The following HHIP variants were observed in gnomAD, a reference collection of about 807,000 sequenced individuals.
The protein encoded by HHIP is hedgehog-interacting protein.
HHIP carries 12 observed loss-of-function variants against 74.0 expected under a neutral mutation model. That is an observed-to-expected ratio of 0.16 (90% confidence interval 0.10 to 0.26). The LOEUF is 0.26. HHIP is among the 10% of genes least tolerant of loss of function. HHIP has a pLI of 1.00. For missense variants in HHIP, 788 were observed against 845.0 expected (o/e 0.93, Z 0.84); for synonymous variants, 309 against 311.6 (o/e 0.99, Z 0.09).
Position 144,743,611 on chromosome 4 carries a change from A to G in HHIP, c.*5654A>G, listed in dbSNP as rs1731320087. The G allele has an allele frequency of 6.6e-6, 1 of 152,048 alleles. No individual in the cohort carries two copies. Among genetic ancestry groups the G allele is most frequent in the African/African-American group, 2.4e-5 (1 of 41,434 alleles). The allele number at this position is 152,048 out of a possible 1,614,324, so 9.4% of individuals were successfully genotyped here. ...CATATATAGATTATGTATTACTTAA[A>G]TCCAAAATACATGTGTGTATATATA... On this transcript the variant is annotated 3_prime_UTR_variant, in exon 13 of 13. Coordinates refer to ENST00000296575, the MANE Select transcript of HHIP (RefSeq NM_022475.3).
At chr4:144,697,188 T>C (rs1729844358) in intron 4 of HHIP, among the ~76,000 whole-genome samples, 1 of 152,032 alleles carries the variant, frequency 6.6e-6, no homozygotes, top group African/African-American at 2.4e-5. Flanking sequence ...CATTAATTTA[T>C]TTTCATTTAG....
chr4:144,658,385 T>A (rs1160002548), intron 2 of HHIP, among the ~76,000 whole-genome samples: 4 of 136,944 alleles, frequency 2.9e-5, no homozygotes, highest in East Asian at 2.1e-4. Flanking sequence ...TTATTTATTT[T>A]TTCAGAAGGT....
intron 2 of HHIP, among the ~76,000 whole-genome samples, chr4:144,653,315 A>G (rs917300613): frequency 6.6e-6 from 1 of 152,158 alleles, no homozygotes; most frequent in African/African-American, 2.4e-5. Context: ...CCTGTAAGCT[A>G]GGTAGGAAGA....
intron 11 of HHIP, among the ~76,000 whole-genome samples, chr4:144,724,445 C>T (rs1431598415): frequency 6.6e-6 from 1 of 151,896 alleles, no homozygotes; most frequent in Non-Finnish European, 1.5e-5. Flanking sequence ...TCACTGGTCA[C>T]CCACAGCTAT....
intron 11 of HHIP, among the ~76,000 whole-genome samples, chr4:144,722,728 C>T (rs151313741): frequency 1.1e-3 from 161 of 152,216 alleles, no homozygotes; most frequent in African/African-American, 3.6e-3. Flanking sequence ...GTAGTGCATG[C>T]CTGTAATCCC....
At chr4:144,733,798 TAGGTA>T (rs1056266788) in intron 11 of HHIP, among the ~76,000 whole-genome samples, 5 of 152,142 alleles carry the variant, frequency 3.3e-5, no homozygotes, top group African/African-American at 1.2e-4. Context: ...CCCTGAAGAT[TAGGTA>T]ATGAGCAGTT....
At chr4:144,716,257 G>GT (rs1553942863) in intron 10 of HHIP, among the ~76,000 whole-genome samples, 67 of 151,912 alleles carry the variant, frequency 4.4e-4, no homozygotes, top group Admixed American at 2.6e-3. Context: ...TTCAGATTTG[G>GT]TTTTTTTTAC....
intron 4 of HHIP, among the ~76,000 whole-genome samples, chr4:144,689,469 A>C (rs993101961): frequency 1.3e-5 from 2 of 152,226 alleles, no homozygotes; most frequent in African/African-American, 2.4e-5. Flanking sequence ...AAGTGATTCC[A>C]GGACTTCTAT....
chr4:144,728,261 T>C (rs1183464630), intron 11 of HHIP, among the ~76,000 whole-genome samples: 1 of 152,186 alleles, frequency 6.6e-6, no homozygotes, highest in African/African-American at 2.4e-5. Context: ...ACACTGTTTC[T>C]TAGTGAGCAA....
intron 11 of HHIP, among the ~76,000 whole-genome samples, chr4:144,724,020 A>C (rs1578726127): frequency 6.6e-6 from 1 of 152,206 alleles, no homozygotes; most frequent in Non-Finnish European, 1.5e-5. Context: ...ACAAATCCCT[A>C]CTAAGCTGCC....
chr4:144,652,792 T>G lies in HHIP; in HGVS notation c.467T>G (p.Ile156Ser). 6.4e-7 allele frequency: 1 copy of G among 1,569,574 alleles called. No homozygotes were observed. The highest frequency in any genetic ancestry group is 8.6e-7 in the Non-Finnish European group (1 of 1,160,468). Residue 156 changes from isoleucine (I) to serine (S), a missense_variant, in exon 2 of 13, where the codon ATT becomes AGT. This residue lies in a region of HHIP where 373 missense variants were observed against 366.4 expected (regional missense o/e 1.02). Transcript: ENST00000296575. The part of the protein sequence containing the change: ...KEFFYTCRGH[I>S]PGFLQTTADE... ...TTCTTTTACACTTGCCGAGGCCATA[T>G]TCCAGGTAAGAAAAAAAAATGCATA...
rs149249882 is a variant in HHIP at position 144,727,818 on chromosome 4, T to C, written c.1761-6923T>C. ...GTGTACTGTGGTGTTGATGATTGTA[T>C]AGTGAGATTAATAGGACCTGAAATG... On this transcript the variant is annotated intron_variant, in intron 11 of 12. Coordinates refer to ENST00000296575, the MANE Select transcript of HHIP (RefSeq NM_022475.3). Among the ~76,000 whole-genome samples, 476 of 152,320 alleles carry C rather than the reference T, an allele frequency of 3.1e-3. 3 individuals are homozygous for C. The highest frequency in any genetic ancestry group is 0.01 in the African/African-American group (427 of 41,584).
chr4:144,651,901 C>G lies in HHIP; in HGVS notation c.280-704C>G, dbSNP rs116305729. 2.0e-3 allele frequency among the ~76,000 whole-genome samples: 306 copies of G among 152,082 alleles called. 2 individuals are homozygous for G. The highest frequency in any genetic ancestry group is 3.5e-3 in the Non-Finnish European group (238 of 67,902). ...CACTACATATTATTCAAAAGCACTTCGTTAAACTCTTGTGTTTATTCATGC... is the reference window on the plus strand; with the variant it reads ...CACTACATATTATTCAAAAGCACTTGGTTAAACTCTTGTGTTTATTCATGC... On this transcript the variant is annotated intron_variant, in intron 1 of 12. Coordinates refer to ENST00000296575, the MANE Select transcript of HHIP (RefSeq NM_022475.3).
At chr4:144,667,449 T>C (rs539458019) in intron 4 of HHIP, among the ~76,000 whole-genome samples, 1 of 152,316 alleles carries the variant, frequency 6.6e-6, no homozygotes, top group East Asian at 1.9e-4. Flanking sequence ...CGGCAGTCCC[T>C]TGGAAACAAA....
In HHIP at chr4:144,692,474, T is replaced by C. The variant is rs958770971; in HGVS notation, c.832-14057T>C. On this transcript the variant is annotated intron_variant, in intron 4 of 12. Transcript: ENST00000296575. Reference sequence around the variant, plus strand: ...TGGGAGATGCTGTTCTTTCTTTACCTGGAACCTTCTTCCCTTTCTGGCTCC... The same window carrying C: ...TGGGAGATGCTGTTCTTTCTTTACCCGGAACCTTCTTCCCTTTCTGGCTCC... 2.0e-5 allele frequency among the ~76,000 whole-genome samples: 3 copies of C among 152,314 alleles called. No individual in the cohort carries two copies. The East Asian group carries it at 5.8e-4, about 29-fold the overall frequency.
intron 4 of HHIP, among the ~76,000 whole-genome samples, chr4:144,668,079 A>T (rs966845219): frequency 6.6e-6 from 1 of 152,076 alleles, no homozygotes; most frequent in Non-Finnish European, 1.5e-5. Flanking sequence ...GCACTTTGGG[A>T]GGCCGAGCCG....
At chr4:144,662,725 C>T (rs943604695) in intron 4 of HHIP, among the ~76,000 whole-genome samples, 8 of 152,014 alleles carry the variant, frequency 5.3e-5, no homozygotes, top group African/African-American at 1.9e-4. Context: ...GCACATGCAG[C>T]GTTGTTATTG....
In HHIP at chr4:144,713,594, TAGAG is replaced by T. The variant is rs368549229; in HGVS notation, c.1424-629_1424-626del. 2.0e-4 allele frequency among the ~76,000 whole-genome samples: 31 copies of T among 152,216 alleles called. No individual in the cohort carries two copies. The East Asian group carries it at 6.0e-3, about 29-fold the overall frequency. On this transcript the variant is annotated intron_variant, in intron 8 of 12. Coordinates refer to ENST00000296575, the MANE Select transcript of HHIP (RefSeq NM_022475.3). ...GTATGTAATGGCCTGCACAGAAAGA[TAGAG>T]ACACAAGACTATACACATGTAATCA...
At chr4:144,689,427 G>C (rs553248140) in intron 4 of HHIP, among the ~76,000 whole-genome samples, 89 of 152,280 alleles carry the variant, frequency 5.8e-4, no homozygotes, top group Middle Eastern at 3.4e-3. Flanking sequence ...TTAATACTTT[G>C]CCTGATGTTT....
Sources: gnomAD v4.1 joint callset for allele counts (sites outside exome capture counted in the v4.1 genomes callset) on GRCh38, gnomAD v4.1.1 for gene constraint, gnomAD v4.1.1 regional missense constraint, MANE v1.5 for transcripts, NCBI Gene and HGNC (gene_info 2026-07-23, HGNC 2026-07-21) for gene names.